Variants in ZNF221 observed in about 807,000 individuals in gnomAD.
ZNF221 encodes the protein zinc finger protein 221.
In ZNF221, 10 loss-of-function variants were observed where a neutral mutation model predicts 12.6. The ratio of observed to expected loss-of-function variants is 0.79; its 90% CI spans 0.49 to 1.34. The LOEUF (loss-of-function observed/expected upper bound fraction) is 1.34, where lower values mean the gene tolerates loss of function less well. Ranked by LOEUF, ZNF221 falls within the 40% of genes most tolerant of loss-of-function variation. The probability of loss-of-function intolerance (pLI) is 0.00; values close to 1 mark genes in which losing one functional copy is unlikely to be tolerated. For synonymous variants in ZNF221, 232 were observed against 244.0 expected (o/e 0.95, Z 0.46); for missense variants, 661 against 721.4 (o/e 0.92, Z 0.96).
At chr19:43,976,489 A>G in the ZNF221 span, among the ~76,000 whole-genome samples, 3 of 152,146 alleles carry the variant, frequency 2.0e-5, no homozygotes, top group Non-Finnish European at 4.4e-5. Flanking sequence ...GTGAGCTGAG[A>G]TTGTGCCACT....
intron 1 of ZNF221, among the ~76,000 whole-genome samples, chr19:43,960,773 G>C (rs1211000545): frequency 6.6e-6 from 1 of 152,210 alleles, no homozygotes; most frequent in Non-Finnish European, 1.5e-5. Context: ...TTGTGTTAAG[G>C]CTGCAGATGC....
chr19:43,962,295 T>C (rs1974858411), intron 1 of ZNF221, among the ~76,000 whole-genome samples: 1 of 152,204 alleles, frequency 6.6e-6, no homozygotes, highest in African/African-American at 2.4e-5. Flanking sequence ...CGCCCCCCAA[T>C]TGGACTCCTT....
At chr19:43,960,429 A>G (rs1974824502) in intron 1 of ZNF221, 1 of 152,218 alleles carries the variant, frequency 6.6e-6, no homozygotes, top group Admixed American at 6.5e-5. Flanking sequence ...CATTTTTAGG[A>G]GAGGAATACA....
chr19:43,955,035 A>G (rs1456945760), intron 1 of ZNF221, among the ~76,000 whole-genome samples: 1 of 151,102 alleles, frequency 6.6e-6, no homozygotes, highest in African/African-American at 2.4e-5. Flanking sequence ...TCAAACTATT[A>G]CTCTGAGGAG....
At position 43,966,244 on chromosome 19, in the gene ZNF221, C is replaced by T. The variant is rs766400423; in HGVS notation, c.742C>T (p.His248Tyr). 1.2e-6 allele frequency: 2 copies of T among 1,614,174 alleles called. No homozygotes were observed. The highest frequency in any genetic ancestry group is 1.7e-6 in the Non-Finnish European group (2 of 1,180,032). ...ACATCTGCAAACTCATCAGAGAGTCCATACTGGAGAGAAACCATTCAAATG... is the reference window on the plus strand; with the variant it reads ...ACATCTGCAAACTCATCAGAGAGTCTATACTGGAGAGAAACCATTCAAATG... The part of the protein sequence containing the change: ...SSHLQTHQRV[H>Y]TGEKPFKCGQ... The change falls in exon 5 of 5, where the codon CAT becomes TAT. Residue 248 changes from histidine (H) to tyrosine (Y), a missense_variant. Transcript: ENST00000587682.
chr19:43,969,656 C>T (rs1810703505), downstream of ZNF221, among the ~76,000 whole-genome samples: 1 of 152,140 alleles, frequency 6.6e-6, no homozygotes, highest in Non-Finnish European at 1.5e-5. Flanking sequence ...GCCCAGACTG[C>T]TTCTTTAAGC....
downstream of ZNF221, among the ~76,000 whole-genome samples, chr19:43,969,129 G>A (rs1975041750): frequency 6.6e-6 from 1 of 152,136 alleles, no homozygotes; most frequent in African/African-American, 2.4e-5. Flanking sequence ...CCACTGGCTT[G>A]GAATTTCAAC....
intron 1 of ZNF221, among the ~76,000 whole-genome samples, chr19:43,956,048 A>G (rs1373025112): frequency 6.6e-6 from 1 of 152,210 alleles, no homozygotes; most frequent in Non-Finnish European, 1.5e-5. Flanking sequence ...TTAATGCCCC[A>G]TAGTGGGGTA....
intron 1 of ZNF221, among the ~76,000 whole-genome samples, chr19:43,961,523 G>A (rs1381122073): frequency 6.6e-6 from 1 of 152,016 alleles, no homozygotes; most frequent in Non-Finnish European, 1.5e-5. Context: ...TCAATTAAAA[G>A]ACTATTAATA....
Position 43,965,944 on chromosome 19 carries a change from A to G in ZNF221, c.442A>G (p.Lys148Glu). ...NSIRNSSQFF[K>E]EGDVPCQIEA... is the part of the protein sequence containing the mutation. The stretch of plus-strand genomic sequence containing the variant: ...CATAAGGAACAGCTCTCAGTTCTTC[A>G]AAGAAGGTGATGTCCCCTGCCAGAT... The change falls in exon 5 of 5, where the codon AAA becomes GAA. Residue 148 changes from lysine (K) to glutamate (E), a missense_variant. By Grantham distance (56) the Lys-to-Glu change is moderately conservative. Transcript: ENST00000587682. The G allele has an allele frequency of 6.2e-7, 1 of 1,614,224 alleles. No homozygotes were observed. The highest frequency in any genetic ancestry group is 1.1e-5 in the South Asian group (1 of 91,090).
chr19:43,964,159 T>C (rs1974896973), intron 2 of ZNF221, among the ~76,000 whole-genome samples: 1 of 152,144 alleles, frequency 6.6e-6, no homozygotes, highest in South Asian at 2.1e-4. Flanking sequence ...ATGAAATAAA[T>C]AACAATAATG....
intron 3 of ZNF221, 73 bp downstream of exon 3, chr19:43,965,149 A>T: frequency 6.3e-7 from 1 of 1,599,966 alleles, no homozygotes; most frequent in Admixed American, 1.7e-5. Context: ...TTGAGTATGC[A>T]TTGGGAACCT....
chr19:43,952,484 C>T (rs75207377), intron 1 of ZNF221, among the ~76,000 whole-genome samples: 2,289 of 152,278 alleles, frequency 0.015, 47 homozygotes, highest in African/African-American at 0.052. Flanking sequence ...ATTCTAAGGG[C>T]TTTATACAAA....
At chr19:43,979,847 G>T in the ZNF221 span, among the ~76,000 whole-genome samples, 1 of 152,092 alleles carries the variant, frequency 6.6e-6, no homozygotes, top group Non-Finnish European at 1.5e-5. Context: ...TCTCAAATTG[G>T]ATTTCTCATC....
At chr19:43,971,463 A>T (rs1482812961), downstream of ZNF221, among the ~76,000 whole-genome samples, 1 of 152,196 alleles carries the variant, frequency 6.6e-6, no homozygotes. Flanking sequence ...AGAGAAGTGC[A>T]AGCTGGATAA....
chr19:43,976,114 C>A, the ZNF221 span, among the ~76,000 whole-genome samples: 2 of 152,052 alleles, frequency 1.3e-5, no homozygotes. Context: ...CTTGGCTGGC[C>A]TTGAACTTCT....
chr19:43,968,891 G>T (rs1242957986), downstream of ZNF221, among the ~76,000 whole-genome samples: 2 of 152,204 alleles, frequency 1.3e-5, no homozygotes, highest in Non-Finnish European at 2.9e-5. Context: ...AGATCTCCTT[G>T]TGAGCCCATG....
chr19:43,966,277 T>A lies in ZNF221; in HGVS notation c.775T>A (p.Cys259Ser), dbSNP rs1320153514. The change falls in exon 5 of 5, where the codon TGT becomes AGT. Residue 259 changes from cysteine (C) to serine (S), a missense_variant. Physicochemically the swap from Cys to Ser is moderately radical, Grantham distance 112. Coordinates refer to ENST00000587682, the MANE Select transcript of ZNF221 (RefSeq NM_001297588.2). Reference protein sequence around the residue: ...TGEKPFKCGQCGKGFHSRSAL... With the variant: ...TGEKPFKCGQSGKGFHSRSAL... The stretch of plus-strand genomic sequence containing the variant: ...AGAGAAACCATTCAAATGTGGGCAA[T>A]GTGGGAAAGGCTTCCATAGTAGATC... 1 of 1,613,298 alleles carries A rather than the reference T, an allele frequency of 6.2e-7. No homozygotes were observed. The highest frequency in any genetic ancestry group is 2.2e-5 in the East Asian group (1 of 44,858).
chr19:43,962,622 A>G (rs941443998), intron 1 of ZNF221, 103 bp from the exon 2 acceptor site: 17 of 1,135,298 alleles, frequency 1.5e-5, no homozygotes, highest in Non-Finnish European at 2.1e-5. Context: ...TAATGCTGCT[A>G]TGAACATTCA....
Sources: gnomAD v4.1 joint callset for allele counts (sites outside exome capture counted in the v4.1 genomes callset) on GRCh38, gnomAD v4.1.1 for gene constraint, MANE v1.5 for transcripts, NCBI Gene and HGNC (gene_info 2026-07-23, HGNC 2026-07-21) for gene names.